Variants in ZHX2 observed in about 807,000 individuals in gnomAD.
The protein encoded by ZHX2 is zinc fingers and homeoboxes protein 2.
In ZHX2, 6 loss-of-function variants were observed where a neutral mutation model predicts 21.9. The observed-to-expected ratio is 0.27, with a 90% CI of 0.15 to 0.54. ZHX2 has a LOEUF of 0.54. Among genes scored for constraint, ZHX2 ranks in the 20% least tolerant of loss-of-function variants. The pLI is 0.95. For synonymous variants in ZHX2, 434 were observed against 437.1 expected (o/e 0.99, Z 0.09); for missense variants, 908 against 1,090.7 (o/e 0.83, Z 2.36).
intron 2 of ZHX2, among the ~76,000 whole-genome samples, chr8:122,911,978 G>A (rs532050184): frequency 6.6e-6 from 1 of 152,238 alleles, no homozygotes; most frequent in South Asian, 2.1e-4. Context: ...TTGAGCAGCT[G>A]CCCCCTGGAA....
At chr8:122,785,884 A>G (rs1013443821) in intron 1 of ZHX2, among the ~76,000 whole-genome samples, 2 of 152,180 alleles carry the variant, frequency 1.3e-5, no homozygotes, top group East Asian at 1.9e-4. Flanking sequence ...CTAGGGAGCT[A>G]TGGCAGGTTT....
At chr8:122,849,897 C>T (rs1316506976) in intron 1 of ZHX2, among the ~76,000 whole-genome samples, 1 of 152,120 alleles carries the variant, frequency 6.6e-6, no homozygotes, top group Non-Finnish European at 1.5e-5. Context: ...CCGCACAGAG[C>T]AAACGTTTGT....
At chr8:122,834,105 G>A (rs1818445772) in intron 1 of ZHX2, among the ~76,000 whole-genome samples, 2 of 152,212 alleles carry the variant, frequency 1.3e-5, no homozygotes. Flanking sequence ...GGAGACTTGG[G>A]AGGACTGGGT....
chr8:122,843,456 G>A (rs1034831143), intron 1 of ZHX2, among the ~76,000 whole-genome samples: 2 of 152,222 alleles, frequency 1.3e-5, no homozygotes, highest in Non-Finnish European at 2.9e-5. Flanking sequence ...TCTGGTTAGA[G>A]GAGCCTTTCA....
At chr8:122,810,359 G>A (rs772495580) in intron 1 of ZHX2, 6 of 152,236 alleles carry the variant, frequency 3.9e-5, no homozygotes, top group Non-Finnish European at 8.8e-5. Flanking sequence ...CAGTACCTGA[G>A]ATCTTGTACA....
chr8:122,870,638 C>CAAA (rs59071295), intron 2 of ZHX2, among the ~76,000 whole-genome samples: 8 of 63,906 alleles, frequency 1.3e-4, no homozygotes, highest in Non-Finnish European at 1.6e-4. Flanking sequence ...GTCTCTGTCT[C>CAAA]AAAAAAAAAA....
chr8:122,839,873 G>A (rs1319382854), intron 1 of ZHX2, among the ~76,000 whole-genome samples: 1 of 152,216 alleles, frequency 6.6e-6, no homozygotes, highest in African/African-American at 2.4e-5. Flanking sequence ...ACTTTGTGTT[G>A]TGGAGAAGGT....
At chr8:122,885,267 A>T (rs1404529243) in intron 2 of ZHX2, among the ~76,000 whole-genome samples, 2 of 152,204 alleles carry the variant, frequency 1.3e-5, no homozygotes, top group Non-Finnish European at 2.9e-5. Flanking sequence ...CAGCTAGCAG[A>T]ATGATCTTTG....
chr8:122,961,102 T>C (rs1813430873), intron 3 of ZHX2, among the ~76,000 whole-genome samples: 1 of 152,240 alleles, frequency 6.6e-6, no homozygotes, highest in Admixed American at 6.5e-5. Flanking sequence ...AAATTTATTT[T>C]CTCACAGTTC....
chr8:122,810,843 C>T (rs112768570), intron 1 of ZHX2, among the ~76,000 whole-genome samples: 1 of 151,690 alleles, frequency 6.6e-6, no homozygotes, highest in African/African-American at 2.4e-5. Context: ...GCACATTGTG[C>T]AGGTTAGTTA....
At chr8:122,803,237 G>C (rs1300430022) in intron 1 of ZHX2, among the ~76,000 whole-genome samples, 3 of 152,140 alleles carry the variant, frequency 2.0e-5, no homozygotes, top group Non-Finnish European at 4.4e-5. Context: ...GTAGTGGTGT[G>C]AGCCAGGCTT....
chr8:122,969,801 T>G (rs1254648606), intron 3 of ZHX2, among the ~76,000 whole-genome samples: 2 of 152,178 alleles, frequency 1.3e-5, no homozygotes, highest in Non-Finnish European at 2.9e-5. Context: ...AGTGCAGTGT[T>G]ACTCACTCCC....
At chr8:122,882,065 C>T (rs1819726329) in intron 2 of ZHX2, among the ~76,000 whole-genome samples, 1 of 152,130 alleles carries the variant, frequency 6.6e-6, no homozygotes, top group South Asian at 2.1e-4. Context: ...AAAAAGAGGG[C>T]TGCTTTAAGT....
chr8:122,821,462 G>A (rs1388379358), intron 1 of ZHX2, among the ~76,000 whole-genome samples: 1 of 151,816 alleles, frequency 6.6e-6, no homozygotes, highest in Non-Finnish European at 1.5e-5. Context: ...TAATTTATTG[G>A]CTTCTCTCCT....
chr8:122,922,435 C>A (rs1371407898), intron 2 of ZHX2, among the ~76,000 whole-genome samples: 1 of 152,158 alleles, frequency 6.6e-6, no homozygotes, highest in Non-Finnish European at 1.5e-5. Context: ...AGTCCCTCTG[C>A]CCTGCAGAAA....
chr8:122,889,710 T>C (rs1210524097), intron 2 of ZHX2, among the ~76,000 whole-genome samples: 1 of 152,216 alleles, frequency 6.6e-6, no homozygotes, highest in African/African-American at 2.4e-5. Context: ...GGATTTTTCT[T>C]TCAACCAAAT....
At chr8:122,861,527 A>G (rs1399490302) in intron 1 of ZHX2, among the ~76,000 whole-genome samples, 3 of 152,054 alleles carry the variant, frequency 2.0e-5, no homozygotes, top group African/African-American at 7.2e-5. Context: ...CTGTGAGTCT[A>G]TTTAGTAAAT....
At chr8:122,784,695 A>G (rs1817359032) in intron 1 of ZHX2, among the ~76,000 whole-genome samples, 1 of 152,200 alleles carries the variant, frequency 6.6e-6, no homozygotes, top group Admixed American at 6.5e-5. Flanking sequence ...GCATTTTTGT[A>G]TGCCAGGCAC....
chr8:122,952,861 A>T lies in ZHX2; in HGVS notation c.1351A>T (p.Ile451Leu), dbSNP rs755215228. ...ASDRKKTKEQIAHLKASFLQS... is the reference protein window; with the variant it reads ...ASDRKKTKEQLAHLKASFLQS... Reference sequence around the variant, plus strand: ...TGACCGCAAGAAGACAAAGGAGCAGATAGCACATCTCAAGGCCAGCTTTCT... The same window carrying T: ...TGACCGCAAGAAGACAAAGGAGCAGTTAGCACATCTCAAGGCCAGCTTTCT... Residue 451 changes from isoleucine (I) to leucine (L), a missense_variant, in exon 3 of 4, where the codon ATA (isoleucine) becomes TTA (leucine). By Grantham distance (5) the Ile-to-Leu change is conservative (BLOSUM62 2). This residue lies in a region of ZHX2 where 232 missense variants were observed against 361.8 expected (regional missense o/e 0.64). Coordinates refer to ENST00000314393, the MANE Select transcript of ZHX2 (RefSeq NM_014943.5). This position sits in a 1 kb window ranked among gnomAD's most constrained non-coding sequence, Gnocchi z 6.9. The T allele has an allele frequency of 5.6e-6, 9 of 1,614,040 alleles. No homozygotes were observed. The African/African-American group carries it at 1.2e-4, about 22-fold the overall frequency.
Sources: gnomAD v4.1 joint callset for allele counts (sites outside exome capture counted in the v4.1 genomes callset) on GRCh38, gnomAD v4.1.1 for gene constraint, gnomAD v4.1.1 regional missense constraint, Gnocchi (gnomAD v3.1) non-coding constraint, MANE v1.5 for transcripts, NCBI Gene and HGNC (gene_info 2026-07-23, HGNC 2026-07-21) for gene names.